The following SLC16A9 variants were observed in gnomAD, a reference collection of about 807,000 sequenced individuals.
SLC16A9 encodes the protein solute carrier family 16 member 9.
SLC16A9 carries 26 observed loss-of-function variants against 44.3 expected under a neutral mutation model. That is an observed-to-expected ratio of 0.59 (90% CI 0.43 to 0.81). The LOEUF (loss-of-function observed/expected upper bound fraction) is 0.81, where lower values mean the gene tolerates loss of function less well. Ranked by LOEUF, SLC16A9 falls within the 40% of genes least tolerant of loss-of-function variation. The pLI, the probability that SLC16A9 is intolerant of heterozygous loss-of-function variation, is 0.00. For missense variants in SLC16A9, 559 were observed against 595.8 expected (o/e 0.94, Z 0.64); for synonymous variants, 230 against 225.1 (o/e 1.02, Z -0.19).
chr10:59,672,277 A>T (rs1839767478), intron 3 of SLC16A9, among the ~76,000 whole-genome samples: 1 of 152,196 alleles, frequency 6.6e-6, no homozygotes, highest in Non-Finnish European at 1.5e-5. Flanking sequence ...TCTAAAAAAA[A>T]TAGTAATACA....
At chr10:59,700,686 G>C (rs188476412) in intron 1 of SLC16A9, among the ~76,000 whole-genome samples, 1 of 152,166 alleles carries the variant, frequency 6.6e-6, no homozygotes, top group Admixed American at 6.5e-5. Flanking sequence ...TCTTAGAAAA[G>C]CATGAAAGGG....
At chr10:59,671,281 G>A (rs1839743397) in intron 3 of SLC16A9, among the ~76,000 whole-genome samples, 1 of 152,082 alleles carries the variant, frequency 6.6e-6, no homozygotes, top group Non-Finnish European at 1.5e-5. Flanking sequence ...ACTAAATGAA[G>A]GAAAGGCCAG....
chr10:59,696,640 A>C, intron 1 of SLC16A9, among the ~76,000 whole-genome samples: 1 of 143,638 alleles, frequency 7.0e-6, no homozygotes, highest in Non-Finnish European at 1.5e-5. Context: ...CCCGGCCGCC[A>C]TCCCATCTAG....
In SLC16A9 at chr10:59,664,332, A is replaced by G. The variant is rs1350432885; in HGVS notation, c.341-10T>C. On this transcript the variant is annotated splice_polypyrimidine_tract_variant and intron_variant, in intron 3 of 5. Coordinates refer to ENST00000395348, the MANE Select transcript of SLC16A9 (RefSeq NM_194298.3). The stretch of plus-strand genomic sequence containing the variant: ...AAACCACATCCAAGACCTAAGCATG[A>G]GAAGACATTGCATAAATTAAGACGC... 6.3e-7 allele frequency: 1 copy of G among 1,582,164 alleles called. No individual in the cohort carries two copies. The highest frequency in any genetic ancestry group is 1.7e-5 in the Admixed American group (1 of 57,920).
At chr10:59,673,791 T>C (rs914701001) in intron 2 of SLC16A9, among the ~76,000 whole-genome samples, 2 of 152,162 alleles carry the variant, frequency 1.3e-5, no homozygotes, top group East Asian at 1.9e-4. Flanking sequence ...GGAATTCAAT[T>C]CCACATAAAC....
chr10:59,684,295 A>G lies in SLC16A9; in HGVS notation c.-4T>C. ...CAGGCGACTTTTTAAGTTCCATTGT[A>G]AGACAAAATCAGGAGGCGTTTCTCT... On this transcript the variant is annotated 5_prime_UTR_variant, in exon 2 of 6. Transcript: ENST00000395348. The G allele has an allele frequency of 6.2e-7, 1 of 1,611,324 alleles. No individual in the cohort carries two copies. The highest frequency in any genetic ancestry group is 8.5e-7 in the Non-Finnish European group (1 of 1,178,778).
chr10:59,668,612 C>T (rs1839676926), intron 3 of SLC16A9, among the ~76,000 whole-genome samples: 2 of 152,168 alleles, frequency 1.3e-5, no homozygotes, highest in Non-Finnish European at 2.9e-5. Flanking sequence ...TCTCTAATTC[C>T]TAGTTTATTT....
chr10:59,660,139 A>G (rs1489907229), intron 4 of SLC16A9, among the ~76,000 whole-genome samples: 1 of 152,208 alleles, frequency 6.6e-6, no homozygotes. Flanking sequence ...GAGACAAGAA[A>G]TAACTAAGAT....
intron 2 of SLC16A9, among the ~76,000 whole-genome samples, chr10:59,674,822 C>T (rs942692385): frequency 6.6e-6 from 1 of 152,150 alleles, no homozygotes; most frequent in Admixed American, 6.5e-5. Context: ...TTAATGCATG[C>T]TAATTCCATG....
intron 2 of SLC16A9, among the ~76,000 whole-genome samples, chr10:59,677,082 C>T (rs974981345): frequency 2.0e-5 from 3 of 152,028 alleles, no homozygotes; most frequent in Non-Finnish European, 4.4e-5. Flanking sequence ...CACACACACT[C>T]ATACATTTCC....
At position 59,671,920 on chromosome 10, in the gene SLC16A9, G is replaced by A. The variant is rs1839758931; in HGVS notation, c.340+850C>T. 2.0e-5 allele frequency among the ~76,000 whole-genome samples: 3 copies of A among 152,288 alleles called. No individual in the cohort carries two copies. In the South Asian group the frequency reaches 6.2e-4, roughly 32 times the overall value. Reference sequence around the variant, plus strand: ...TATAAAGCATTTAGCACAGTCCCTAGCATATGATAAGTACACAGTGAATAT... The same window carrying A: ...TATAAAGCATTTAGCACAGTCCCTAACATATGATAAGTACACAGTGAATAT... On this transcript the variant is annotated intron_variant, in intron 3 of 5. Transcript: ENST00000395348.
intron 2 of SLC16A9, among the ~76,000 whole-genome samples, chr10:59,679,394 T>C (rs1839938008): frequency 1.3e-5 from 2 of 152,286 alleles, no homozygotes; most frequent in East Asian, 1.9e-4. Flanking sequence ...GCTTACACGT[T>C]TGAAACAACC....
At chr10:59,682,448 G>A (rs1281379281) in intron 2 of SLC16A9, among the ~76,000 whole-genome samples, 1 of 151,852 alleles carries the variant, frequency 6.6e-6, no homozygotes, top group African/African-American at 2.4e-5. Flanking sequence ...AGCTGCAGTT[G>A]AATTGTCAAA....
intron 1 of SLC16A9, among the ~76,000 whole-genome samples, chr10:59,687,968 C>CAAAA (rs3043427): frequency 9.2e-5 from 13 of 140,698 alleles, no homozygotes; most frequent in Non-Finnish European, 1.5e-4. Context: ...TCAACAACAA[C>CAAAA]AAAAAAAAAA....
chr10:59,698,839 G>C (rs1450232444), intron 1 of SLC16A9, among the ~76,000 whole-genome samples: 2 of 151,784 alleles, frequency 1.3e-5, no homozygotes, highest in Non-Finnish European at 2.9e-5. Context: ...CCGGGTTCAA[G>C]CAATTCTCCT....
chr10:59,670,578 T>C (rs1232582829), intron 3 of SLC16A9, among the ~76,000 whole-genome samples: 1 of 152,222 alleles, frequency 6.6e-6, no homozygotes, highest in African/African-American at 2.4e-5. Context: ...ACTGTCTAGC[T>C]AAAGAGGCCA....
chr10:59,684,413 G>GA (rs377400206), intron 1 of SLC16A9, 86 bp from the exon 2 acceptor site: 9,004 of 392,656 alleles, frequency 0.023, 1 homozygote, highest in Non-Finnish European at 0.026. Flanking sequence ...CTCCTAAAGT[G>GA]AAAAAAAAAA....
At chr10:59,677,467 G>A (rs1363717368) in intron 2 of SLC16A9, among the ~76,000 whole-genome samples, 1 of 152,036 alleles carries the variant, frequency 6.6e-6, no homozygotes, top group Non-Finnish European at 1.5e-5. Context: ...AGCCACATGT[G>A]CCCACCCTAC....
At chr10:59,665,727 C>T (rs192773698) in intron 3 of SLC16A9, among the ~76,000 whole-genome samples, 19 of 152,124 alleles carry the variant, frequency 1.2e-4, no homozygotes, top group East Asian at 3.9e-4. Context: ...CCTTTGGAGG[C>T]GGTTTTATTG....
Sources: allele counts gnomAD v4.1 joint callset (sites outside exome capture counted in the v4.1 genomes callset), GRCh38; gene constraint gnomAD v4.1.1; transcripts MANE v1.5; gene names NCBI Gene and HGNC (gene_info 2026-07-23, HGNC 2026-07-21).